Variants in KCNH5 observed in about 807,000 individuals in gnomAD.
KCNH5 encodes voltage-gated delayed rectifier potassium channel KCNH5.
KCNH5 carries 46 observed loss-of-function variants against 96.1 expected under a neutral mutation model. That is an observed-to-expected ratio of 0.48 (90% confidence interval 0.38 to 0.61). KCNH5 has a LOEUF of 0.61. Ranked by LOEUF, KCNH5 falls within the 20% of genes least tolerant of loss-of-function variation. The pLI is 0.00. For missense variants in KCNH5, 907 were observed against 1,225.8 expected, an observed-to-expected ratio of 0.74 and a Z score of 3.88; for synonymous variants, 439 against 449.8, an observed-to-expected ratio of 0.98 and a Z score of 0.30.
At chr14:62,765,453 A>C (rs1476091740) in intron 10 of KCNH5, among the ~76,000 whole-genome samples, 1 of 152,220 alleles carries the variant, frequency 6.6e-6, no homozygotes, top group Admixed American at 6.5e-5. Flanking sequence ...TTCTGGACAT[A>C]GGTCCTGGCA....
chr14:62,902,836 C>T (rs1481073609), intron 7 of KCNH5, among the ~76,000 whole-genome samples: 8 of 151,964 alleles, frequency 5.3e-5, no homozygotes, highest in Admixed American at 5.2e-4. Context: ...TCTCCCACCT[C>T]AGCCTCCCGA....
In KCNH5 at chr14:62,981,039, G is replaced by A. The variant is rs142666361; in HGVS notation, c.775C>T (p.Leu259=). The change falls in exon 6 of 11, where the codon CTG becomes TTG. Residue 259 remains leucine, a synonymous_variant. Transcript: ENST00000322893. ...VLDSVVDVIF[L]VDIVLNFHTT... ...TGAAAATTTAAAACGATGTCAACCA[G>A]AAAAATAACGTCCACCACACTATCC... 4.3e-4 allele frequency: 702 copies of A among 1,614,140 alleles called. 3 individuals are homozygous for A. The African/African-American group carries it at 8.3e-3, about 19-fold the overall frequency.
At chr14:62,897,591 G>A (rs1047669292) in intron 7 of KCNH5, among the ~76,000 whole-genome samples, 1 of 152,026 alleles carries the variant, frequency 6.6e-6, no homozygotes, top group African/African-American at 2.4e-5. Context: ...GCTCTACCAT[G>A]GCCCTGTTTG....
intron 8 of KCNH5, among the ~76,000 whole-genome samples, chr14:62,819,252 C>A (rs1887065568): frequency 1.3e-5 from 2 of 152,264 alleles, no homozygotes; most frequent in Admixed American, 6.5e-5. Context: ...CAGGCATGAG[C>A]CACCGTGCCT....
chr14:62,950,741 G>T (rs1889988985), intron 6 of KCNH5, among the ~76,000 whole-genome samples, 182 bp from the exon 7 acceptor site: 1 of 151,934 alleles, frequency 6.6e-6, no homozygotes, highest in Non-Finnish European at 1.5e-5. Context: ...TAAAAAAATA[G>T]ATATCTTCCT....
intron 7 of KCNH5, among the ~76,000 whole-genome samples, chr14:62,919,228 T>A (rs953564599): frequency 6.6e-6 from 1 of 152,192 alleles, no homozygotes; most frequent in Non-Finnish European, 1.5e-5. Flanking sequence ...TTCTGATTTC[T>A]CATTTGTATT....
At chr14:62,968,093 A>C (rs1377027370) in intron 6 of KCNH5, among the ~76,000 whole-genome samples, 1 of 152,208 alleles carries the variant, frequency 6.6e-6, no homozygotes, top group East Asian at 1.9e-4. Context: ...AACTTTTCAA[A>C]TCTAAGGAAG....
intron 8 of KCNH5, among the ~76,000 whole-genome samples, chr14:62,816,679 A>G (rs1004599808): frequency 1.3e-5 from 2 of 152,060 alleles, no homozygotes; most frequent in Non-Finnish European, 2.9e-5. Context: ...CATGGCAGTA[A>G]TGCATGCATA....
At chr14:62,938,923 A>G (rs1213927419) in intron 7 of KCNH5, among the ~76,000 whole-genome samples, 1 of 152,240 alleles carries the variant, frequency 6.6e-6, no homozygotes, top group Non-Finnish European at 1.5e-5. Flanking sequence ...TCGAACAAGT[A>G]TATTTTGTTG....
At chr14:62,997,908 A>C (rs2139587298) in intron 4 of KCNH5, among the ~76,000 whole-genome samples, 1 of 150,398 alleles carries the variant, frequency 6.6e-6, no homozygotes, top group East Asian at 1.9e-4. Context: ...TCAAAAAAAA[A>C]AAAAAAAAAA....
rs552088383 is a variant in KCNH5, at chr14:62,897,563, G to T, written c.1370-47711C>A. Among the ~76,000 whole-genome samples, 9 of 152,204 alleles carry T rather than the reference G, an allele frequency of 5.9e-5. 1 individual carries two copies. The South Asian group carries it at 1.9e-3, about 32-fold the overall frequency. ...AAACTGCACGGATAAAGAGAAAGGA[G>T]AATTGAACTTTGTCTTAGCTCTACC... is the stretch of plus-strand genomic sequence containing the variant. On this transcript the variant is annotated intron_variant, in intron 7 of 10. Transcript: ENST00000322893.
chr14:62,728,031 T>C (rs1467748375), intron 10 of KCNH5, among the ~76,000 whole-genome samples: 1 of 150,036 alleles, frequency 6.7e-6, no homozygotes, highest in East Asian at 2.0e-4. Flanking sequence ...ATTGTATGCT[T>C]ATCAATAGTC....
At chr14:62,993,313 A>G (rs374542684) in intron 4 of KCNH5, among the ~76,000 whole-genome samples, 11 of 152,160 alleles carry the variant, frequency 7.2e-5, no homozygotes, top group African/African-American at 2.4e-4. Context: ...TTTTAGTTCC[A>G]TATGAATTTT....
chr14:62,771,453 C>T (rs941612108), intron 10 of KCNH5, among the ~76,000 whole-genome samples: 2 of 152,020 alleles, frequency 1.3e-5, no homozygotes, highest in Admixed American at 1.3e-4. Flanking sequence ...GGTGAAACCC[C>T]GTCTCTATTA....
intron 1 of KCNH5, among the ~76,000 whole-genome samples, chr14:63,033,788 T>G (rs1891672880): frequency 6.6e-6 from 1 of 152,140 alleles, no homozygotes; most frequent in Non-Finnish European, 1.5e-5. Context: ...CAGGTATTTT[T>G]TTTTTTCAAG....
At chr14:62,807,282 G>C (rs1052992226) in intron 8 of KCNH5, among the ~76,000 whole-genome samples, 4 of 152,098 alleles carry the variant, frequency 2.6e-5, no homozygotes, top group African/African-American at 9.7e-5. Context: ...ACTTGCATAT[G>C]AAAAATCTGA....
At position 62,995,299 on chromosome 14, in the gene KCNH5, C is replaced by T. The variant is rs139648950; in HGVS notation, c.433+6032G>A. On this transcript the variant is annotated intron_variant, in intron 4 of 10. Transcript: ENST00000322893. ...GTAAAAAGTCCTTGCTCTGGGATTA[C>T]ATTCTGATTTTGCCGGTGTATAGAT... Among the ~76,000 whole-genome samples the T allele has an allele frequency of 2.1e-4, 32 of 152,178 alleles. No homozygotes were observed. In the East Asian group the frequency reaches 3.5e-3, roughly 17 times the overall value.
chr14:62,888,971 T>G (rs1171503678), intron 7 of KCNH5, among the ~76,000 whole-genome samples: 1 of 152,220 alleles, frequency 6.6e-6, no homozygotes, highest in Non-Finnish European at 1.5e-5. Flanking sequence ...CAAAAGTCAC[T>G]TGGAGTCAAA....
chr14:62,858,112 T>C (rs1887964927), intron 7 of KCNH5, among the ~76,000 whole-genome samples: 2 of 152,172 alleles, frequency 1.3e-5, no homozygotes, highest in Middle Eastern at 3.4e-3. Context: ...TACAAGTATA[T>C]ACATGCACAA....
Sources: allele counts gnomAD v4.1 joint callset (sites outside exome capture counted in the v4.1 genomes callset), GRCh38; gene constraint gnomAD v4.1.1; transcripts MANE v1.5; gene names NCBI Gene and HGNC (gene_info 2026-07-23, HGNC 2026-07-21).